The following ART3 variants were observed in gnomAD, a reference collection of about 807,000 sequenced individuals.
ART3 encodes the protein ecto-ADP-ribosyltransferase 3.
A neutral mutation model predicts 48.5 loss-of-function variants in ART3; 49 were observed. The ratio of observed to expected loss-of-function variants is 1.01; its 90% confidence interval spans 0.80 to 1.28. The LOEUF (loss-of-function observed/expected upper bound fraction) is 1.28. Among genes scored for constraint, ART3 ranks in the 50% most tolerant of loss-of-function variants. The pLI is 0.00. For synonymous variants in ART3, 145 were observed against 157.2 expected (o/e 0.92, Z 0.58); for missense variants, 438 against 454.3 (o/e 0.96, Z 0.33).
chr4:76,105,182 C>A lies in ART3; in HGVS notation c.1003+553C>A, dbSNP rs114927785. On this transcript the variant is annotated intron_variant, in intron 10 of 11. Transcript: ENST00000355810. ...CACACCTTGTGCGTCTACATCTCTT[C>A]AGCTCGCTAGTCCTGAGTTTGCACA... Among the ~76,000 whole-genome samples the A allele has an allele frequency of 4.1e-3, 624 of 152,284 alleles. 3 individuals carry two copies. The highest frequency in any genetic ancestry group is 0.014 in the African/African-American group (600 of 41,560).
intron 10 of ART3, chr4:76,105,813 C>T: frequency 1.0e-6 from 1 of 985,444 alleles, no homozygotes; most frequent in Middle Eastern, 5.2e-4. Context: ...CCAGCTGGGC[C>T]TGTCTATTCC....
chr4:76,073,896 C>T (rs6532170), upstream of ART3, among the ~76,000 whole-genome samples: 31,407 of 152,088 alleles, frequency 0.21, 5,522 homozygotes, highest in African/African-American at 0.48. Flanking sequence ...GTTTTCATTG[C>T]TATATAAAAT....
chr4:76,089,168 C>A (rs1484810546), intron 3 of ART3, among the ~76,000 whole-genome samples: 1 of 152,158 alleles, frequency 6.6e-6, no homozygotes, highest in East Asian at 1.9e-4. Flanking sequence ...GCTTCTCAGA[C>A]CCTGGAATCA....
intron 1 of ART3, among the ~76,000 whole-genome samples, chr4:76,053,688 T>C (rs1263584529): frequency 6.6e-6 from 1 of 152,224 alleles, no homozygotes; most frequent in Admixed American, 6.5e-5. Flanking sequence ...AAGTCGCATA[T>C]GTTAAAATTT....
Position 76,034,817 on chromosome 4 carries a change from C to T in ART3, c.-10+23497C>T. On this transcript the variant is annotated intron_variant, in intron 1 of 9. Coordinates refer to the ART3 transcript ENST00000341029. ...TTTAAAAATTCTTTCTTTCAACTTT[C>T]TGGAATAAGAAAACAAGAGTTTTAT... The T allele has an allele frequency of 6.4e-7, 1 of 1,554,776 alleles. No individual in the cohort carries two copies. Among genetic ancestry groups the T allele is most frequent in the Non-Finnish European group, 8.8e-7 (1 of 1,130,542 alleles).
At chr4:76,106,084 G>A (rs13136760) in intron 10 of ART3, 126,442 of 984,702 alleles carry the variant, frequency 0.13, 10,106 homozygotes, top group African/African-American at 0.32. Flanking sequence ...AATCCAATAC[G>A]ATAAATATTA....
intron 1 of ART3, among the ~76,000 whole-genome samples, chr4:76,043,341 AG>A (rs1297439389): frequency 4.6e-5 from 7 of 152,052 alleles, no homozygotes; most frequent in African/African-American, 1.7e-4. Context: ...ACCGTGGAGC[AG>A]GGGGTGGCAC....
intron 1 of ART3, among the ~76,000 whole-genome samples, chr4:76,062,921 A>G (rs1156672397): frequency 2.6e-5 from 4 of 151,674 alleles, no homozygotes; most frequent in African/African-American, 9.7e-5. Context: ...TGAACAATAC[A>G]CTTCTAGCTA....
intron 1 of ART3, among the ~76,000 whole-genome samples, chr4:76,013,584 T>C (rs549046285): frequency 6.6e-6 from 1 of 152,374 alleles, no homozygotes; most frequent in East Asian, 1.9e-4. Flanking sequence ...GTTCTGTGTA[T>C]TTGAGTTGTT....
intron 11 of ART3, among the ~76,000 whole-genome samples, chr4:76,108,679 T>C (rs1215108095): frequency 6.6e-6 from 1 of 151,636 alleles, no homozygotes; most frequent in Non-Finnish European, 1.5e-5. Context: ...AGATGGGGTA[T>C]GTTCTGATTA....
intron 3 of ART3, among the ~76,000 whole-genome samples, chr4:76,094,105 G>A (rs1476314059): frequency 1.3e-5 from 2 of 152,164 alleles, no homozygotes; most frequent in Non-Finnish European, 2.9e-5. Context: ...GTGGCTATCT[G>A]CAAGCCAAGA....
chr4:76,064,710 C>T (rs749430841), intron 1 of ART3, among the ~76,000 whole-genome samples: 1 of 152,074 alleles, frequency 6.6e-6, no homozygotes, highest in Non-Finnish European at 1.5e-5. Flanking sequence ...ACAGTGCTAA[C>T]GTCCTCTTAT....
chr4:76,022,042 TAACTG>T, intron 1 of ART3: 1 of 1,184,360 alleles, frequency 8.4e-7, no homozygotes, highest in Non-Finnish European at 1.3e-6. Flanking sequence ...ATAGAATAGA[TAACTG>T]AGCTTTCCTG....
At chr4:76,084,866 C>T (rs17001354) in intron 3 of ART3, among the ~76,000 whole-genome samples, 1,849 of 152,316 alleles carry the variant, frequency 0.012, 42 homozygotes, top group African/African-American at 0.042. Context: ...TGTGGTGTGA[C>T]ATACCCAGGT....
At chr4:76,102,583 AC>A (rs1207674591) in intron 8 of ART3, among the ~76,000 whole-genome samples, 2 of 151,610 alleles carry the variant, frequency 1.3e-5, no homozygotes, top group Admixed American at 6.6e-5. Flanking sequence ...TGTTTTCAAA[AC>A]CATCTAAAGA....
intron 2 of ART3, among the ~76,000 whole-genome samples, chr4:76,078,421 G>T (rs956313083): frequency 2.0e-5 from 3 of 152,102 alleles, no homozygotes; most frequent in African/African-American, 7.2e-5. Context: ...TCAGGCATTG[G>T]CACCCAAGCT....
intron 3 of ART3, among the ~76,000 whole-genome samples, chr4:76,090,946 A>G (rs1355541961): frequency 1.3e-5 from 2 of 152,114 alleles, no homozygotes; most frequent in Non-Finnish European, 2.9e-5. Flanking sequence ...CTACTAATGT[A>G]CTTGCTGTCA....
At chr4:76,045,823 G>A (rs1196486257) in intron 1 of ART3, among the ~76,000 whole-genome samples, 2 of 152,008 alleles carry the variant, frequency 1.3e-5, no homozygotes, top group Non-Finnish European at 2.9e-5. Context: ...GTCAGCAAAA[G>A]CCAGTAATTC....
intron 1 of ART3, among the ~76,000 whole-genome samples, chr4:76,063,873 A>C (rs1225650634): frequency 6.6e-6 from 1 of 152,208 alleles, no homozygotes; most frequent in Non-Finnish European, 1.5e-5. Context: ...ATTATATACT[A>C]GCCAACTGTT....
Sources: allele counts gnomAD v4.1 joint callset (sites outside exome capture counted in the v4.1 genomes callset), GRCh38; gene constraint gnomAD v4.1.1; transcripts MANE v1.5; gene names NCBI Gene and HGNC (gene_info 2026-07-23, HGNC 2026-07-21).